The following AXL variants were observed in gnomAD, a reference collection of about 807,000 sequenced individuals.
AXL encodes AXL receptor tyrosine kinase, also known as tyrosine-protein kinase receptor UFO.
AXL carries 52 observed loss-of-function variants against 104.5 expected under a neutral mutation model. The observed-to-expected ratio is 0.50, with a 90% CI of 0.40 to 0.63. The LOEUF is 0.63. AXL is among the 20% of genes least tolerant of loss of function. AXL has a pLI of 0.00. For synonymous variants in AXL, 455 were observed against 473.7 expected (o/e 0.96, Z 0.51); for missense variants, 1,024 against 1,188.5 (o/e 0.86, Z 2.04).
At chr19:41,241,556 A>AAAAGAAAG (rs912009981) in intron 10 of AXL, among the ~76,000 whole-genome samples, 1 of 151,062 alleles carries the variant, frequency 6.6e-6, no homozygotes, top group African/African-American at 2.4e-5. Flanking sequence ...AAAAAAAAAA[A>AAAAGAAAG]AAAGAAAGAA....
intron 12 of AXL, 44 bp from the exon 13 acceptor site, chr19:41,248,470 T>G: frequency 6.3e-7 from 1 of 1,583,118 alleles, no homozygotes; most frequent in Non-Finnish European, 8.7e-7. Context: ...CACCTGAATG[T>G]CAGCCCTGCT....
At chr19:41,229,772 G>T (rs972963568) in intron 4 of AXL, among the ~76,000 whole-genome samples, 1 of 152,156 alleles carries the variant, frequency 6.6e-6, no homozygotes, top group African/African-American at 2.4e-5. Context: ...AGAAGAGCGT[G>T]TGACAGGGAG....
chr19:41,219,838 G>A (rs1286987590), intron 1 of AXL, among the ~76,000 whole-genome samples: 2 of 151,658 alleles, frequency 1.3e-5, no homozygotes, highest in South Asian at 2.1e-4. Flanking sequence ...AAGGGGCACC[G>A]AGTCAGGCAG....
chr19:41,259,281 G>A (rs1224695362), intron 19 of AXL, among the ~76,000 whole-genome samples: 2 of 152,136 alleles, frequency 1.3e-5, no homozygotes, highest in East Asian at 3.8e-4. Flanking sequence ...TGGGGAGCTG[G>A]AAGGTCTGTT....
At chr19:41,230,029 A>G (rs979090588) in intron 4 of AXL, among the ~76,000 whole-genome samples, 12 of 151,532 alleles carry the variant, frequency 7.9e-5, no homozygotes, top group Admixed American at 7.9e-4. Flanking sequence ...ATATGTGTCT[A>G]TGTCCATATA....
intron 4 of AXL, among the ~76,000 whole-genome samples, chr19:41,225,303 C>G (rs980919711): frequency 3.3e-5 from 5 of 152,210 alleles, no homozygotes; most frequent in Admixed American, 3.3e-4. Context: ...CCGCACCCAG[C>G]GCAAATGTGT....
intron 18 of AXL, 152 bp from the exon 19 acceptor site, chr19:41,257,341 G>T: frequency 1.7e-6 from 2 of 1,147,320 alleles, no homozygotes; most frequent in Non-Finnish European, 2.4e-6. Flanking sequence ...ACCGCACCCG[G>T]CTAAAGTATT....
intron 16 of AXL, among the ~76,000 whole-genome samples, chr19:41,253,347 C>T (rs956098951): frequency 1.3e-5 from 2 of 152,060 alleles, no homozygotes; most frequent in African/African-American, 4.8e-5. Context: ...GAATGATCAT[C>T]GTTTGTCTGA....
chr19:41,243,165 T>C, intron 11 of AXL, 150 bp downstream of exon 11: 2 of 1,182,540 alleles, frequency 1.7e-6, no homozygotes, highest in Non-Finnish European at 2.3e-6. Flanking sequence ...ACGCCTGTAA[T>C]CCCAGCACTT....
At chr19:41,243,934 G>T in intron 12 of AXL, 1 of 482,676 alleles carries the variant, frequency 2.1e-6, no homozygotes, top group Non-Finnish European at 3.7e-6. Context: ...GGCTGGGTGT[G>T]GTGGCTCATG....
intron 14 of AXL, 39 bp downstream of exon 14, chr19:41,248,859 C>T: frequency 6.5e-7 from 1 of 1,547,070 alleles, no homozygotes; most frequent in Non-Finnish European, 8.8e-7. Context: ...CCAGCTCCTT[C>T]CCTATGCCCC....
rs537601446 is a variant in AXL at position 41,239,218 on chromosome 19, G to C, written c.1189G>C (p.Gly397Arg). ...QEVTLELQGD[G>R]SVSNLTVCVA... Reference sequence around the variant, plus strand: ...GGTGACCCTGGAGCTGCAGGGGGACGGGTCTGTGTCCAATCTGACAGTGTG... The same window carrying C: ...GGTGACCCTGGAGCTGCAGGGGGACCGGTCTGTGTCCAATCTGACAGTGTG... The change falls in exon 9 of 20, where the codon GGG becomes CGG. Residue 397 changes from glycine (G) to arginine (R), a missense_variant. Physicochemically the swap from Gly to Arg is moderately radical, Grantham distance 125. Coordinates refer to ENST00000301178, the MANE Select transcript of AXL (RefSeq NM_021913.5). 1.2e-6 allele frequency: 2 copies of C among 1,613,170 alleles called. No homozygotes were observed. The highest frequency in any genetic ancestry group is 1.7e-6 in the Non-Finnish European group (2 of 1,179,496).
At chr19:41,256,115 CTGCTT>C (rs1011169142) in intron 17 of AXL, among the ~76,000 whole-genome samples, 13 of 148,258 alleles carry the variant, frequency 8.8e-5, no homozygotes, top group Non-Finnish European at 1.6e-4. Context: ...ATTCAGTGAG[CTGCTT>C]ACTTATGACT....
rs747864633 is a variant in AXL, at chr19:41,231,040, C to T, written c.660C>T (p.Thr220=). The T allele has an allele frequency of 3.7e-6, 6 of 1,613,974 alleles. No individual in the cohort carries two copies. The East Asian group carries it at 8.9e-5, about 24-fold the overall frequency. ...GGGTCACCACATCCCGCACAGCCAC[C>T]ATCACAGGTGACAGAGTTGGGAGGT... is the stretch of plus-strand genomic sequence containing the variant. The part of the protein sequence containing the change: ...AKGVTTSRTA[T]ITVLPQQPRN... The change falls in exon 5 of 20, where the codon ACC becomes ACT. Residue 220 remains threonine, a synonymous_variant. Transcript: ENST00000301178.
rs529609962 is a variant in AXL, at chr19:41,252,788, G to C, written c.1805-58G>C. The C allele has an allele frequency of 7.3e-5, 117 of 1,606,826 alleles. No homozygotes were observed. The East Asian group carries it at 2.5e-3, about 34-fold the overall frequency. ...AGGAGAGGCTGGAGGCTGGCTGGTG[G>C]GGGGCTTGGCTTCCCCTTCTGCCCA... On this transcript the variant is annotated intron_variant, in intron 15 of 19. Coordinates refer to ENST00000301178, the MANE Select transcript of AXL (RefSeq NM_021913.5).
At chr19:41,258,507 C>A (rs2034487969) in intron 19 of AXL, among the ~76,000 whole-genome samples, 1 of 152,212 alleles carries the variant, frequency 6.6e-6, no homozygotes, top group African/African-American at 2.4e-5. Context: ...TGCAACCTCC[C>A]AGGTTCTAGC....
At chr19:41,256,006 G>T (rs1208118448) in intron 17 of AXL, among the ~76,000 whole-genome samples, 1 of 152,096 alleles carries the variant, frequency 6.6e-6, no homozygotes, top group Non-Finnish European at 1.5e-5. Flanking sequence ...TGGCCTCCCA[G>T]AGTGCTGGGA....
chr19:41,226,464 G>C (rs1004055254), intron 4 of AXL, among the ~76,000 whole-genome samples: 3 of 152,228 alleles, frequency 2.0e-5, no homozygotes, highest in African/African-American at 7.2e-5. Flanking sequence ...ACCTGACCTT[G>C]TCTGGGAACG....
chr19:41,231,945 AC>A (rs369580083), intron 6 of AXL, among the ~76,000 whole-genome samples: 3,740 of 116,240 alleles, frequency 0.032, 82 homozygotes, highest in African/African-American at 0.086. Context: ...AAAAGAAACA[AC>A]AACAAAAAAA....
Sources: gnomAD v4.1 joint callset for allele counts (sites outside exome capture counted in the v4.1 genomes callset) on GRCh38, gnomAD v4.1.1 for gene constraint, MANE v1.5 for transcripts, NCBI Gene and HGNC (gene_info 2026-07-23, HGNC 2026-07-21) for gene names.